The following SPTLC2 variants were observed in gnomAD, a reference collection of about 807,000 sequenced individuals.
SPTLC2 encodes the protein serine palmitoyltransferase long chain base subunit 2.
In SPTLC2, 21 loss-of-function variants were observed where a neutral mutation model predicts 62.0. The ratio of observed to expected loss-of-function variants is 0.34; its 90% CI spans 0.24 to 0.49. The LOEUF (loss-of-function observed/expected upper bound fraction) is 0.49, where lower values mean the gene tolerates loss of function less well. Among genes scored for constraint, SPTLC2 ranks in the 20% least tolerant of loss-of-function variants. SPTLC2 has a pLI of 0.99. For missense variants in SPTLC2, 511 were observed against 713.0 expected (o/e 0.72, Z 3.23); for synonymous variants, 261 against 261.8 (o/e 1.00, Z 0.03).
chr14:77,572,400 A>G (rs1018914707), intron 4 of SPTLC2, among the ~76,000 whole-genome samples: 1 of 152,234 alleles, frequency 6.6e-6, no homozygotes, highest in African/African-American at 2.4e-5. Context: ...GGATGATGCT[A>G]CGGGTTCCAT....
intron 2 of SPTLC2, among the ~76,000 whole-genome samples, chr14:77,583,862 T>C (rs1480120210): frequency 7.2e-5 from 11 of 152,100 alleles, no homozygotes; most frequent in African/African-American, 2.7e-4. Flanking sequence ...GGAGTGACAA[T>C]GGTAAAGTCA....
At chr14:77,587,331 T>TACTCTATA (rs560272510) in intron 2 of SPTLC2, among the ~76,000 whole-genome samples, 1 of 152,182 alleles carries the variant, frequency 6.6e-6, no homozygotes. Context: ...AAGACATGCA[T>TACTCTATA]ACTCTATAAC....
intron 11 of SPTLC2, among the ~76,000 whole-genome samples, chr14:77,515,363 T>C (rs756277873): frequency 2.0e-5 from 3 of 152,126 alleles, no homozygotes; most frequent in Non-Finnish European, 4.4e-5. Flanking sequence ...GAACACAGGA[T>C]CTGTAGGTTG....
intron 9 of SPTLC2, among the ~76,000 whole-genome samples, chr14:77,548,143 A>C (rs1441798739): frequency 6.6e-6 from 1 of 152,124 alleles, no homozygotes; most frequent in African/African-American, 2.4e-5. Flanking sequence ...TTATTTAAAA[A>C]TGTATCTATT....
chr14:77,594,928 T>C (rs148831473), intron 2 of SPTLC2, among the ~76,000 whole-genome samples: 7 of 152,338 alleles, frequency 4.6e-5, no homozygotes, highest in East Asian at 3.9e-4. Context: ...AGTAGGAGGA[T>C]ACAGGCCTGT....
intron 5 of SPTLC2, among the ~76,000 whole-genome samples, chr14:77,565,242 C>CAAAAAAAA (rs59356054): frequency 2.4e-4 from 8 of 33,704 alleles, no homozygotes; most frequent in South Asian, 1.5e-3. Context: ...AACTCCATCT[C>CAAAAAAAA]AAAAAAAAAA....
At chr14:77,556,732 G>T (rs1368006368) in intron 7 of SPTLC2, among the ~76,000 whole-genome samples, 1 of 61,330 alleles carries the variant, frequency 1.6e-5, no homozygotes, top group African/African-American at 3.4e-5. Context: ...TGTGTAATTT[G>T]TTTTGACATA....
intron 1 of SPTLC2, among the ~76,000 whole-genome samples, chr14:77,601,699 T>A (rs2079878306): frequency 6.6e-6 from 1 of 152,192 alleles, no homozygotes; most frequent in Non-Finnish European, 1.5e-5. Context: ...CCAAGGAACA[T>A]CTCACCGATT....
At chr14:77,572,410 T>C (rs1429663736) in intron 4 of SPTLC2, among the ~76,000 whole-genome samples, 3 of 152,210 alleles carry the variant, frequency 2.0e-5, no homozygotes, top group Admixed American at 6.5e-5. Flanking sequence ...ACGGGTTCCA[T>C]TGTGTCCCAC....
chr14:77,603,732 C>A (rs1238475050), intron 1 of SPTLC2, among the ~76,000 whole-genome samples: 1 of 152,188 alleles, frequency 6.6e-6, no homozygotes, highest in African/African-American at 2.4e-5. Flanking sequence ...AAAAGGAGAT[C>A]TTCAAGCATA....
chr14:77,512,313 C>T lies in SPTLC2; in HGVS notation c.1660G>A (p.Glu554Lys), dbSNP rs751671837. The T allele has an allele frequency of 3.1e-6, 5 of 1,614,066 alleles. No individual in the cohort carries two copies. The highest frequency in any genetic ancestry group is 4.2e-6 in the Non-Finnish European group (5 of 1,180,048). The change falls in exon 12 of 12, where the codon GAG becomes AAG. Residue 554 changes from glutamate to lysine, a missense_variant. Coordinates refer to ENST00000216484, the MANE Select transcript of SPTLC2 (RefSeq NM_004863.4). ...TCTTCTGTTTCTTCATACGTCGTCTCGTCAAAGGGCCTGTCCAGTAGAGGT... is the reference window on the plus strand; with the variant it reads ...TCTTCTGTTTCTTCATACGTCGTCTTGTCAAAGGGCCTGTCCAGTAGAGGT... ...LVPLLDRPFD[E>K]TTYEETED
In SPTLC2 at chr14:77,576,219, C is replaced by T. The variant is rs192844659; in HGVS notation, c.631+548G>A. On this transcript the variant is annotated intron_variant, in intron 4 of 11. Transcript: ENST00000216484. ...CAAATTGGAACAATCTGAAATCTTC[C>T]GCTGAATTAAAATAAATTGAATCTC... Among the ~76,000 whole-genome samples the T allele has an allele frequency of 8.9e-4, 135 of 152,180 alleles. 1 individual carries two copies. The East Asian group carries it at 0.016, about 18-fold the overall frequency.
chr14:77,609,171 C>G (rs2079921610), intron 1 of SPTLC2, among the ~76,000 whole-genome samples: 1 of 151,976 alleles, frequency 6.6e-6, no homozygotes, highest in Non-Finnish European at 1.5e-5. Flanking sequence ...AAGTAGTTCT[C>G]CAATCCTTTT....
At chr14:77,529,128 G>A (rs2079423378) in intron 9 of SPTLC2, among the ~76,000 whole-genome samples, 1 of 152,010 alleles carries the variant, frequency 6.6e-6, no homozygotes, top group Admixed American at 6.6e-5. Flanking sequence ...GTGAGTCACT[G>A]TGCCCAGCCT....
chr14:77,516,018 ATG>A (rs896893191), intron 11 of SPTLC2, among the ~76,000 whole-genome samples: 3 of 24,332 alleles, frequency 1.2e-4, no homozygotes, highest in Non-Finnish European at 6.9e-4. Flanking sequence ...GCGCGCGCGC[ATG>A]TGTGTGTGTG....
In SPTLC2 at chr14:77,525,649, G is replaced by A. The variant is rs1476202443; in HGVS notation, c.1304-4068C>T. On this transcript the variant is annotated intron_variant, in intron 9 of 11. Transcript: ENST00000216484. ...AGGAGGGCTGGGCATGGTGGCTCACGCCTGTAATCCCAGCACTTTGGGAGG... is the reference window on the plus strand; with the variant it reads ...AGGAGGGCTGGGCATGGTGGCTCACACCTGTAATCCCAGCACTTTGGGAGG... 2.0e-5 allele frequency among the ~76,000 whole-genome samples: 3 copies of A among 152,152 alleles called. 1 individual carries two copies.
intron 6 of SPTLC2, among the ~76,000 whole-genome samples, chr14:77,559,826 G>A (rs1380387565): frequency 1.3e-5 from 2 of 152,140 alleles, no homozygotes; most frequent in African/African-American, 4.8e-5. Flanking sequence ...AGGAGGTCAA[G>A]GCTGTGGTGA....
At chr14:77,570,333 A>G in intron 5 of SPTLC2, 51 bp downstream of exon 5, 1 of 1,606,578 alleles carries the variant, frequency 6.2e-7, no homozygotes, top group African/African-American at 1.3e-5. Context: ...GCTTTTCAAA[A>G]CAAAAGAAGA....
At chr14:77,579,561 C>T (rs1007301843) in intron 2 of SPTLC2, among the ~76,000 whole-genome samples, 4 of 152,084 alleles carry the variant, frequency 2.6e-5, no homozygotes, top group South Asian at 4.1e-4. Flanking sequence ...CAAGCCTGGG[C>T]AACATAGCGA....
Sources: allele counts gnomAD v4.1 joint callset (sites outside exome capture counted in the v4.1 genomes callset), GRCh38; gene constraint gnomAD v4.1.1; transcripts MANE v1.5; gene names NCBI Gene and HGNC (gene_info 2026-07-23, HGNC 2026-07-21).